NUDT5: variants seen among roughly 807,000 people sequenced by gnomAD.
NUDT5 encodes ADP-sugar pyrophosphatase.
In NUDT5, 21 loss-of-function variants were observed where a neutral mutation model predicts 34.1. The observed-to-expected ratio is 0.62, with a 90% CI of 0.44 to 0.89. The LOEUF is 0.89. NUDT5 is among the 40% of genes least tolerant of loss of function. The pLI is 0.00. For synonymous variants in NUDT5, 85 were observed against 97.6 expected (o/e 0.87, Z 0.76); for missense variants, 249 against 274.8 (o/e 0.91, Z 0.66).
Position 12,169,865 on chromosome 10 carries a change from C to T in NUDT5, c.550+852G>A. 1 of 385,672 alleles carries T rather than the reference C, an allele frequency of 2.6e-6. No homozygotes were observed. The highest frequency in any genetic ancestry group is 7.6e-5 in the South Asian group (1 of 13,132). The allele number at this position is 385,672 out of a possible 1,614,324, so 23.9% of individuals were successfully genotyped here. A position where few individuals can be genotyped will look rare whatever the true frequency, so the allele number is the denominator to read the frequency against. ...TAAAGCTTCAGGCCAAACAATGCTT[C>T]AAATCACATTTGAAGTAATCACTTA... On this transcript the variant is annotated intron_variant, in intron 9 of 9. Transcript: ENST00000491614. The surrounding 1 kb of genome is among the most constrained non-coding windows in gnomAD (Gnocchi z 4.8).
At chr10:12,184,044 T>TTTG in intron 3 of NUDT5, among the ~76,000 whole-genome samples, 1 of 152,304 alleles carries the variant, frequency 6.6e-6, no homozygotes, top group East Asian at 1.9e-4. Context: ...ATACTTTCTT[T>TTTG]TTGTTGTTGT....
At chr10:12,193,490 G>T (rs1238366220) in intron 1 of NUDT5, among the ~76,000 whole-genome samples, 1 of 152,164 alleles carries the variant, frequency 6.6e-6, no homozygotes, top group Non-Finnish European at 1.5e-5. Context: ...AGGAGAAAAA[G>T]CAAATATTTC....
rs200505437 is a variant in NUDT5 at position 12,167,657 on chromosome 10, G to A, written c.*45C>T. On this transcript the variant is annotated 3_prime_UTR_variant, in exon 10 of 10. Transcript: ENST00000491614. ...TGAATACAAAGTCTTAGTGAAGAAGGCCTGGTGGTCTCGTTTACAAAAATG... is the reference window on the plus strand; with the variant it reads ...TGAATACAAAGTCTTAGTGAAGAAGACCTGGTGGTCTCGTTTACAAAAATG... The A allele has an allele frequency of 6.4e-7, 1 of 1,562,494 alleles. No individual in the cohort carries two copies. The highest frequency in any genetic ancestry group is 1.4e-5 in the African/African-American group (1 of 73,724).
chr10:12,195,072 A>G (rs1835309830), intron 1 of NUDT5, among the ~76,000 whole-genome samples: 1 of 152,218 alleles, frequency 6.6e-6, no homozygotes, highest in South Asian at 2.1e-4. Context: ...AGGCAGGAGA[A>G]TCACTTAAAC....
Position 12,169,287 on chromosome 10 carries a change from G to T in NUDT5, c.550+1430C>A. 6.4e-7 allele frequency: 1 copy of T among 1,554,616 alleles called. No individual in the cohort carries two copies. The highest frequency in any genetic ancestry group is 2.4e-5 in the East Asian group (1 of 41,922). ...AAAGTGAAGTTAAGAAGGTGGAAGG[G>T]AGAAGGAAGACATTTTACAAAAAGG... On this transcript the variant is annotated intron_variant, in intron 9 of 9. Transcript: ENST00000491614. The surrounding 1 kb of genome is among the most constrained non-coding windows in gnomAD (Gnocchi z 4.8).
At chr10:12,176,909 G>A (rs1394523111) in intron 5 of NUDT5, among the ~76,000 whole-genome samples, 1 of 151,926 alleles carries the variant, frequency 6.6e-6, no homozygotes, top group Admixed American at 6.6e-5. Context: ...ATCACCTGAG[G>A]TCAGGAGTTT....
rs144715233 is a variant in NUDT5 at position 12,192,106 on chromosome 10, G to C, written c.-42+3664C>G. Among the ~76,000 whole-genome samples, 166 of 152,246 alleles carry C rather than the reference G, an allele frequency of 1.1e-3. 1 individual carries two copies. The highest frequency in any genetic ancestry group is 3.4e-3 in the African/African-American group (143 of 41,536). ...GATGCAGGAGCCCACATCATAAGTAGAGCCTCTGACTGACAAAAGAGGGTC... is the reference window on the plus strand; with the variant it reads ...GATGCAGGAGCCCACATCATAAGTACAGCCTCTGACTGACAAAAGAGGGTC... On this transcript the variant is annotated intron_variant, in intron 1 of 9. Transcript: ENST00000491614.
rs73581324 is a variant in NUDT5, at chr10:12,187,283, C to A, written c.-41-951G>T. 0.046 allele frequency among the ~76,000 whole-genome samples: 7,054 copies of A among 152,154 alleles called. 400 individuals are homozygous for A. The highest frequency in any genetic ancestry group is 0.13 in the African/African-American group (5,590 of 41,480). ...TCCCGGGCTCAAGCGATCCTCCTCC[C>A]GCCTCGGTGTCCCAAAGTGCTGGGA... On this transcript the variant is annotated intron_variant, in intron 1 of 9. Transcript: ENST00000491614. The surrounding 1 kb of genome is among the most constrained non-coding windows in gnomAD (Gnocchi z 5.4).
rs996640765 is a variant in NUDT5 at position 12,187,191 on chromosome 10, G to A, written c.-41-859C>T. On this transcript the variant is annotated intron_variant, in intron 1 of 9. Transcript: ENST00000491614. This position sits in a 1 kb window ranked among gnomAD's most constrained non-coding sequence, Gnocchi z 5.4. ...GGGATTACAGGTGCATGCTACCACA[G>A]CCAACTAATGTTTTAAACTTTTGGT... Among the ~76,000 whole-genome samples, 1 of 152,094 alleles carries A rather than the reference G, an allele frequency of 6.6e-6. No individual in the cohort carries two copies. Among genetic ancestry groups the A allele is most frequent in the Non-Finnish European group, 1.5e-5 (1 of 68,022 alleles).
In NUDT5 at chr10:12,175,780, A is replaced by G. The variant is rs536748580; in HGVS notation, c.290-1967T>C. Among the ~76,000 whole-genome samples, 10 of 152,218 alleles carry G rather than the reference A, an allele frequency of 6.6e-5. No individual in the cohort carries two copies. The highest frequency in any genetic ancestry group is 2.2e-4 in the African/African-American group (9 of 41,534). Reference sequence around the variant, plus strand: ...AAACCCCATCTCTACAAAAAAATACAAAAAATGAGGTGGGAGGATCACCTC... The same window carrying G: ...AAACCCCATCTCTACAAAAAAATACGAAAAATGAGGTGGGAGGATCACCTC... On this transcript the variant is annotated intron_variant, in intron 5 of 9. Coordinates refer to ENST00000491614, the MANE Select transcript of NUDT5 (RefSeq NM_014142.4). This position sits in a 1 kb window ranked among gnomAD's most constrained non-coding sequence, Gnocchi z 4.8.
chr10:12,183,226 G>A (rs1010642304), intron 3 of NUDT5, among the ~76,000 whole-genome samples: 6 of 152,114 alleles, frequency 3.9e-5, no homozygotes, highest in African/African-American at 1.4e-4. Flanking sequence ...TTTCTGTATC[G>A]GGTTTGGGCC....
At chr10:12,194,742 G>A (rs1835300367) in intron 1 of NUDT5, among the ~76,000 whole-genome samples, 1 of 152,166 alleles carries the variant, frequency 6.6e-6, no homozygotes, top group African/African-American at 2.4e-5. Flanking sequence ...CGGTGGGGCT[G>A]TTTCTAATTT....
rs1365923764 is a variant in NUDT5, at chr10:12,181,963, C to T, written c.132-2831G>A. Among the ~76,000 whole-genome samples the T allele has an allele frequency of 2.0e-5, 3 of 152,042 alleles. No individual in the cohort carries two copies. The highest frequency in any genetic ancestry group is 4.4e-5 in the Non-Finnish European group (3 of 68,010). ...AGACCATCCTGGCCAACAACACTGC[C>T]TCTACTAAAAATACAAAAATCAGCC... On this transcript the variant is annotated intron_variant, in intron 3 of 9. Coordinates refer to ENST00000491614, the MANE Select transcript of NUDT5 (RefSeq NM_014142.4). The surrounding 1 kb of genome is among the most constrained non-coding windows in gnomAD (Gnocchi z 5.0).
Position 12,170,263 on chromosome 10 carries a change from G to C in NUDT5, c.550+454C>G. The C allele has an allele frequency of 7.0e-7, 1 of 1,434,380 alleles. No individual in the cohort carries two copies. The highest frequency in any genetic ancestry group is 1.2e-5 in the South Asian group (1 of 86,556). 88.9% of individuals were successfully genotyped at this position (1,434,380 alleles called of 1,614,324 possible). A position where few individuals can be genotyped will look rare whatever the true frequency, so the allele number is the denominator to read the frequency against. ...TTATGTGAAAAGCATATCACACGGA[G>C]TATACAGGAAATACCTCAAGTATTT... On this transcript the variant is annotated intron_variant, in intron 9 of 9. Coordinates refer to ENST00000491614, the MANE Select transcript of NUDT5 (RefSeq NM_014142.4). This position sits in a 1 kb window ranked among gnomAD's most constrained non-coding sequence, Gnocchi z 4.9.
At chr10:12,184,212 A>AT (rs1208768770) in intron 3 of NUDT5, among the ~76,000 whole-genome samples, 1 of 151,926 alleles carries the variant, frequency 6.6e-6, no homozygotes, top group Non-Finnish European at 1.5e-5. Context: ...AGGCCCAGCT[A>AT]TTTTTTGTAT....
intron 2 of NUDT5, among the ~76,000 whole-genome samples, chr10:12,185,337 G>C (rs1015937269): frequency 6.6e-6 from 1 of 152,206 alleles, no homozygotes; most frequent in African/African-American, 2.4e-5. Flanking sequence ...ACACAGGTGA[G>C]TTTCATATGT....
chr10:12,176,582 C>A (rs1187196214), intron 5 of NUDT5, among the ~76,000 whole-genome samples: 2 of 151,762 alleles, frequency 1.3e-5, no homozygotes, highest in Non-Finnish European at 2.9e-5. Flanking sequence ...CCAGCCTGGG[C>A]AACAGAGCAG....
rs578065317 is a variant in NUDT5, at chr10:12,177,076, C to A, written c.289+717G>T. 1.7e-4 allele frequency among the ~76,000 whole-genome samples: 26 copies of A among 150,138 alleles called. No individual in the cohort carries two copies. In the South Asian group the frequency reaches 2.1e-3, roughly 12 times the overall value. On this transcript the variant is annotated intron_variant, in intron 5 of 9. Coordinates refer to ENST00000491614, the MANE Select transcript of NUDT5 (RefSeq NM_014142.4). The stretch of plus-strand genomic sequence containing the variant: ...GGCGGAGGTTGCAGTGAGCCGAGAT[C>A]ACGCCACCGCACTCCAGCCTGGGTG...
Position 12,173,800 on chromosome 10 carries a change from A to G in NUDT5, c.303T>C (p.Asp101=), listed in dbSNP as rs771310631. The G allele has an allele frequency of 6.2e-7, 1 of 1,613,186 alleles. No individual in the cohort carries two copies. The highest frequency in any genetic ancestry group is 8.5e-7 in the Non-Finnish European group (1 of 1,179,428). ...GAGCAGCTGCTTCTGGGGTTTCACC[A>G]TCATCTATGAGACCTGCAAGTCCAA... ...CIEFPAGLID[D]GETPEAAALR... is the part of the protein sequence containing the mutation. Residue 101 remains aspartate, a synonymous_variant, in exon 6 of 10, where the codon GAT becomes GAC. Coordinates refer to ENST00000491614, the MANE Select transcript of NUDT5 (RefSeq NM_014142.4). The surrounding 1 kb of genome is among the most constrained non-coding windows in gnomAD (Gnocchi z 4.7).
Sources: allele counts gnomAD v4.1 joint callset (sites outside exome capture counted in the v4.1 genomes callset), GRCh38; gene constraint gnomAD v4.1.1; non-coding constraint Gnocchi (gnomAD v3.1); transcripts MANE v1.5; gene names NCBI Gene and HGNC (gene_info 2026-07-23, HGNC 2026-07-21).